DGKG: variants seen among roughly 807,000 people sequenced by gnomAD.
DGKG encodes DAG kinase gamma.
In DGKG, 78 loss-of-function variants were observed where a neutral mutation model predicts 105.3. That is an observed-to-expected ratio of 0.74 (90% confidence interval 0.62 to 0.89). The LOEUF (loss-of-function observed/expected upper bound fraction) is 0.89, where lower values mean the gene tolerates loss of function less well. Among genes scored for constraint, DGKG ranks in the 40% least tolerant of loss-of-function variants. The pLI is 0.00. For synonymous variants in DGKG, 346 were observed against 367.1 expected, an observed-to-expected ratio of 0.94 and a Z score of 0.66; for missense variants, 958 against 1,020.1, an observed-to-expected ratio of 0.94 and a Z score of 0.83.
In DGKG at chr3:186,231,792, G is replaced by A. The variant is rs1051153057; in HGVS notation, c.1826+10712C>T. Among the ~76,000 whole-genome samples the A allele has an allele frequency of 5.9e-5, 9 of 152,120 alleles. No individual in the cohort carries two copies. Among genetic ancestry groups the A allele is most frequent in the Middle Eastern group, 3.4e-3 (1 of 294 alleles). On this transcript the variant is annotated intron_variant, in intron 20 of 24. Transcript: ENST00000265022. This position sits in a 1 kb window ranked among gnomAD's most constrained non-coding sequence, Gnocchi z 4.5. ...AAAAATTAGCTGGGCATGGTGGCGC[G>A]CACCTGTAATCCCAGCTAATCAGGA... is the stretch of plus-strand genomic sequence containing the variant.
chr3:186,185,373 G>A (rs1717574515), intron 22 of DGKG, among the ~76,000 whole-genome samples: 1 of 152,186 alleles, frequency 6.6e-6, no homozygotes, highest in Admixed American at 6.5e-5. Context: ...AGGGGGATTT[G>A]GGGAAGAGAG....
rs764930482 is a variant in DGKG, at chr3:186,265,239, T to G, written c.1269+8A>C. 8.1e-6 allele frequency: 13 copies of G among 1,613,394 alleles called. No individual in the cohort carries two copies. Among genetic ancestry groups the G allele is most frequent in the Non-Finnish European group, 1.1e-5 (13 of 1,179,372 alleles). ...AAGGTGCAATCGGATTTAGAGCTCA[T>G]GAGGTACCTGCATGACAAGTTCGCC... On this transcript the variant is annotated splice_region_variant and intron_variant, in intron 14 of 24. Coordinates refer to ENST00000265022, the MANE Select transcript of DGKG (RefSeq NM_001346.3).
intron 21 of DGKG, among the ~76,000 whole-genome samples, chr3:186,209,465 C>G (rs950606692): frequency 2.6e-5 from 4 of 152,130 alleles, no homozygotes; most frequent in African/African-American, 9.7e-5. Context: ...ATAATAATCT[C>G]TGGACTACTT....
intron 10 of DGKG, 34 bp downstream of exon 10, chr3:186,275,513 C>T (rs768240050): frequency 1.0e-5 from 16 of 1,561,858 alleles, no homozygotes; most frequent in Admixed American, 1.0e-4. Flanking sequence ...CAAGATAGTG[C>T]CTGGGGGAAG....
intron 22 of DGKG, among the ~76,000 whole-genome samples, chr3:186,176,399 T>G (rs1303318667): frequency 6.6e-6 from 1 of 152,224 alleles, no homozygotes; most frequent in Non-Finnish European, 1.5e-5. Flanking sequence ...CAGCACCTAC[T>G]ATTGAGAGAT....
At chr3:186,237,829 T>C (rs1329072673) in intron 20 of DGKG, among the ~76,000 whole-genome samples, 1 of 152,248 alleles carries the variant, frequency 6.6e-6, no homozygotes, top group East Asian at 1.9e-4. Flanking sequence ...CAGTGTCAGT[T>C]CCTTTATCTG....
rs113990878 is a variant in DGKG at position 186,222,846 on chromosome 3, C to T, written c.1827-10961G>A. On this transcript the variant is annotated intron_variant, in intron 20 of 24. Transcript: ENST00000265022. Reference sequence around the variant, plus strand: ...TACAAAAATTAGCCAGGCGTGGTGGCGGGTGCATGTATTCTGAGCTGCTTG... The same window carrying T: ...TACAAAAATTAGCCAGGCGTGGTGGTGGGTGCATGTATTCTGAGCTGCTTG... 3.0e-3 allele frequency among the ~76,000 whole-genome samples: 454 copies of T among 150,696 alleles called. 3 individuals are homozygous for T. The highest frequency in any genetic ancestry group is 0.01 in the African/African-American group (422 of 41,252).
chr3:186,166,504 T>C (rs1171970863), intron 22 of DGKG, among the ~76,000 whole-genome samples: 1 of 152,340 alleles, frequency 6.6e-6, no homozygotes, highest in Middle Eastern at 3.4e-3. Context: ...TAATAAACAA[T>C]GAATGTCTAA....
chr3:186,268,677 G>C, intron 12 of DGKG, 124 bp downstream of exon 12: 1 of 664,100 alleles, frequency 1.5e-6, no homozygotes, highest in Non-Finnish European at 2.7e-6. Flanking sequence ...GCGCTGTGGG[G>C]TCCTCCTAGC....
Position 186,320,479 on chromosome 3 carries a change from G to A in DGKG, c.-20C>T. On this transcript the variant is annotated 5_prime_UTR_variant, in exon 2 of 25. Transcript: ENST00000265022. ...ACCCATTTTTAAACTTTATGTGAGT[G>A]GCTAAAGGGCAGTGATGGAGTTTTG... 2 of 1,614,164 alleles carry A rather than the reference G, an allele frequency of 1.2e-6. No individual in the cohort carries two copies. Among genetic ancestry groups the A allele is most frequent in the Non-Finnish European group, 1.7e-6 (2 of 1,180,004 alleles).
intron 10 of DGKG, among the ~76,000 whole-genome samples, chr3:186,272,841 C>T (rs1385722797): frequency 6.6e-6 from 1 of 152,172 alleles, no homozygotes; most frequent in Non-Finnish European, 1.5e-5. Context: ...GCCTCAGCCT[C>T]CCGAGTTGCT....
chr3:186,328,157 A>G (rs1214913103), intron 1 of DGKG, among the ~76,000 whole-genome samples: 1 of 152,060 alleles, frequency 6.6e-6, no homozygotes, highest in Non-Finnish European at 1.5e-5. Context: ...ATCTCTACTC[A>G]TCTCTTTAGA....
intron 1 of DGKG, among the ~76,000 whole-genome samples, chr3:186,327,264 T>C (rs1161090557): frequency 2.0e-5 from 3 of 152,176 alleles, no homozygotes; most frequent in Non-Finnish European, 4.4e-5. Context: ...CACTTACCCT[T>C]ATAGTATCTA....
intron 21 of DGKG, among the ~76,000 whole-genome samples, chr3:186,202,754 C>T (rs1382251296): frequency 1.3e-5 from 2 of 152,220 alleles, no homozygotes; most frequent in African/African-American, 4.8e-5. Context: ...TCTGACCCAA[C>T]ATGCTGAATC....
intron 7 of DGKG, among the ~76,000 whole-genome samples, chr3:186,282,676 A>C (rs1722881091): frequency 6.7e-6 from 1 of 149,266 alleles, no homozygotes; most frequent in Admixed American, 6.7e-5. Context: ...CCACACCCGG[A>C]TAATTTCTTT....
chr3:186,323,708 G>A (rs901268747), intron 1 of DGKG, among the ~76,000 whole-genome samples: 2 of 152,136 alleles, frequency 1.3e-5, no homozygotes, highest in Non-Finnish European at 2.9e-5. Flanking sequence ...AGGCCGAGAC[G>A]GGCGGATCAC....
At chr3:186,313,574 T>C (rs1039605695) in intron 2 of DGKG, 3 of 952,496 alleles carry the variant, frequency 3.1e-6, no homozygotes, top group Non-Finnish European at 3.8e-6. Flanking sequence ...GTGTGGTCCC[T>C]GGACCAGCAG....
At chr3:186,234,450 A>G (rs1489256000) in intron 20 of DGKG, among the ~76,000 whole-genome samples, 1 of 152,218 alleles carries the variant, frequency 6.6e-6, no homozygotes, top group Non-Finnish European at 1.5e-5. Flanking sequence ...ATTACACATT[A>G]CATCTTGAGT....
chr3:186,288,518 C>T (rs1004589), intron 6 of DGKG, among the ~76,000 whole-genome samples, 192 bp downstream of exon 6: 29,858 of 152,080 alleles, frequency 0.2, 4,498 homozygotes, highest in African/African-American at 0.43. Context: ...ACACAACTGG[C>T]AATATGTCCC....
Sources: gnomAD v4.1 joint callset for allele counts (sites outside exome capture counted in the v4.1 genomes callset) on GRCh38, gnomAD v4.1.1 for gene constraint, Gnocchi (gnomAD v3.1) non-coding constraint, MANE v1.5 for transcripts, NCBI Gene and HGNC (gene_info 2026-07-23, HGNC 2026-07-21) for gene names.